LY86: variants seen among roughly 807,000 people sequenced by gnomAD.
LY86 encodes MD-1, RP105-associated.
In LY86, 20 loss-of-function variants were observed where a neutral mutation model predicts 17.3. That is an observed-to-expected ratio of 1.15 (90% CI 0.81 to 1.68). The LOEUF (loss-of-function observed/expected upper bound fraction) is 1.68, where lower values mean the gene tolerates loss of function less well. LY86 is among the 40% of genes most tolerant of loss of function. The pLI is 0.00. For synonymous variants in LY86, 74 were observed against 70.6 expected (o/e 1.05, Z -0.24); for missense variants, 200 against 191.9 (o/e 1.04, Z -0.25).
chr6:6,630,936 T>C (rs1322937162), intron 3 of LY86, among the ~76,000 whole-genome samples: 1 of 152,194 alleles, frequency 6.6e-6, no homozygotes, highest in Non-Finnish European at 1.5e-5. Flanking sequence ...ATGTTAATAT[T>C]TGGAATATAC....
intron 1 of LY86, among the ~76,000 whole-genome samples, chr6:6,615,719 C>CAAAAAA (rs373207405): frequency 2.2e-5 from 2 of 91,708 alleles, no homozygotes; most frequent in African/African-American, 4.3e-5. Context: ...GATGTTGTCT[C>CAAAAAA]AAAAAAAAAA....
At chr6:6,608,256 C>T (rs1351313093) in intron 1 of LY86, among the ~76,000 whole-genome samples, 4 of 152,274 alleles carry the variant, frequency 2.6e-5, no homozygotes, top group Admixed American at 6.5e-5. Context: ...ACTTTGTCTA[C>T]GCAGAAAAAC....
intron 1 of LY86, among the ~76,000 whole-genome samples, chr6:6,595,312 A>T (rs925171985): frequency 1.4e-5 from 2 of 146,358 alleles, no homozygotes; most frequent in African/African-American, 2.5e-5. Flanking sequence ...AAGGAGGAGG[A>T]GGTGGAAGAG....
At chr6:6,597,818 G>A (rs566783228) in intron 1 of LY86, among the ~76,000 whole-genome samples, 16 of 152,350 alleles carry the variant, frequency 1.1e-4, no homozygotes, top group Non-Finnish European at 4.4e-5. Context: ...CTCCACTCGC[G>A]TTTCCAAGCA....
intron 3 of LY86, among the ~76,000 whole-genome samples, chr6:6,636,055 G>A (rs568385749): frequency 1.4e-4 from 22 of 152,204 alleles, no homozygotes; most frequent in Admixed American, 6.5e-5. Flanking sequence ...AACCACAGTT[G>A]CTGGACCTAG....
intron 1 of LY86, among the ~76,000 whole-genome samples, chr6:6,612,192 A>AACGAAGC (rs948061329): frequency 2.6e-5 from 4 of 152,206 alleles, no homozygotes; most frequent in African/African-American, 9.7e-5. Flanking sequence ...TGACTTCAAG[A>AACGAAGC]ACGAAGCCAC....
At chr6:6,605,570 G>A (rs1226776088) in intron 1 of LY86, among the ~76,000 whole-genome samples, 3 of 152,280 alleles carry the variant, frequency 2.0e-5, no homozygotes, top group African/African-American at 7.2e-5. Context: ...CGGAGTGGGA[G>A]AAAGCGCATG....
intron 3 of LY86, among the ~76,000 whole-genome samples, chr6:6,645,640 A>G (rs562072861): frequency 6.6e-6 from 1 of 152,016 alleles, no homozygotes; most frequent in South Asian, 2.1e-4. Context: ...AGGTATAAAC[A>G]TGCCCAAGGG....
chr6:6,600,839 T>G (rs1296809365), intron 1 of LY86, among the ~76,000 whole-genome samples: 1 of 152,158 alleles, frequency 6.6e-6, no homozygotes, highest in Non-Finnish European at 1.5e-5. Context: ...AAGGGAAGCA[T>G]GAGGAGCCTC....
intron 1 of LY86, among the ~76,000 whole-genome samples, chr6:6,598,996 T>G (rs1295283019): frequency 6.6e-6 from 1 of 152,236 alleles, no homozygotes; most frequent in African/African-American, 2.4e-5. Context: ...TGGGACCACT[T>G]GAGCTGATCA....
chr6:6,624,116 A>T (rs1761736293), intron 1 of LY86, among the ~76,000 whole-genome samples: 1 of 152,188 alleles, frequency 6.6e-6, no homozygotes, highest in Non-Finnish European at 1.5e-5. Context: ...ACACAAGCAA[A>T]TCAAACATGG....
intron 3 of LY86, among the ~76,000 whole-genome samples, chr6:6,629,485 A>G (rs1182309416): frequency 6.6e-6 from 1 of 152,250 alleles, no homozygotes; most frequent in Non-Finnish European, 1.5e-5. Flanking sequence ...TGTTACACAT[A>G]AAAAGGCTTG....
chr6:6,602,712 A>G (rs1326735578), intron 1 of LY86, among the ~76,000 whole-genome samples: 1 of 152,144 alleles, frequency 6.6e-6, no homozygotes, highest in Non-Finnish European at 1.5e-5. Flanking sequence ...TAGAGATGTC[A>G]TATCTCAAGG....
intron 3 of LY86, among the ~76,000 whole-genome samples, chr6:6,636,654 C>G (rs1396413637): frequency 6.6e-6 from 1 of 152,188 alleles, no homozygotes; most frequent in African/African-American, 2.4e-5. Context: ...TTCCCTGGCC[C>G]TCTTGTCCCT....
At chr6:6,605,273 A>C (rs971962456) in intron 1 of LY86, among the ~76,000 whole-genome samples, 7 of 86,588 alleles carry the variant, frequency 8.1e-5, no homozygotes, top group Admixed American at 4.2e-4. Flanking sequence ...TTATCACCTC[A>C]CCTCACAGTT....
intron 3 of LY86, among the ~76,000 whole-genome samples, chr6:6,630,589 A>G (rs552584879): frequency 6.6e-6 from 1 of 152,342 alleles, no homozygotes; most frequent in East Asian, 1.9e-4. Flanking sequence ...ACCACAACTA[A>G]TTCCTAGCCC....
chr6:6,598,167 G>A (rs767153538), intron 1 of LY86, among the ~76,000 whole-genome samples: 2 of 152,110 alleles, frequency 1.3e-5, no homozygotes, highest in Non-Finnish European at 2.9e-5. Flanking sequence ...ATTAATTTTT[G>A]CAGACATACG....
chr6:6,616,728 A>G (rs1385037694), intron 1 of LY86, among the ~76,000 whole-genome samples: 1 of 152,180 alleles, frequency 6.6e-6, no homozygotes, highest in Non-Finnish European at 1.5e-5. Context: ...AATCATATCT[A>G]GTTCATGACT....
chr6:6,637,917 A>C (rs902553460), intron 3 of LY86, among the ~76,000 whole-genome samples: 11 of 152,234 alleles, frequency 7.2e-5, no homozygotes, highest in Admixed American at 1.3e-4. Context: ...GTATTTGTCC[A>C]CAAAATTTAG....
Sources: gnomAD v4.1 joint callset for allele counts (sites outside exome capture counted in the v4.1 genomes callset) on GRCh38, gnomAD v4.1.1 for gene constraint, MANE v1.5 for transcripts, NCBI Gene and HGNC (gene_info 2026-07-23, HGNC 2026-07-21) for gene names.